Variants in UGT2B15 observed in about 807,000 individuals in gnomAD.
UGT2B15 encodes UDP-glucuronosyltransferase 2B15.
UGT2B15 carries 36 observed loss-of-function variants against 45.9 expected under a neutral mutation model. The observed-to-expected ratio is 0.78, with a 90% CI of 0.60 to 1.04. The LOEUF (loss-of-function observed/expected upper bound fraction) is 1.04, where lower values mean the gene tolerates loss of function less well. UGT2B15 is among the 50% of genes least tolerant of loss of function. The pLI is 0.00. For missense variants in UGT2B15, 617 were observed against 622.4 expected (o/e 0.99, Z 0.09); for synonymous variants, 219 against 216.4 (o/e 1.01, Z -0.11).
chr4:68,670,554 C>A lies in UGT2B15; in HGVS notation c.65G>T (p.Ser22Ile), dbSNP rs1239582266. 1.2e-6 allele frequency: 2 copies of A among 1,605,496 alleles called. No homozygotes were observed. Among genetic ancestry groups the A allele is most frequent in the Admixed American group, 1.8e-5 (1 of 56,796 alleles). ...GGGCCACACTAGCACCTTTCCACAGCTTCCAGAGCTAAAGTAACAACTGAG... is the reference window on the plus strand; with the variant it reads ...GGGCCACACTAGCACCTTTCCACAGATTCCAGAGCTAAAGTAACAACTGAG... Reference protein sequence around the residue: ...IQLSCYFSSGSCGKVLVWPTE... With the variant: ...IQLSCYFSSGICGKVLVWPTE... The change falls in exon 1 of 6, where the codon AGC becomes ATC. Residue 22 changes from serine (S) to isoleucine (I), a missense_variant. Transcript: ENST00000338206.
chr4:68,654,216 G>T lies in UGT2B15; in HGVS notation c.1134C>A (p.Thr378=). 1 of 1,613,548 alleles carries T rather than the reference G, an allele frequency of 6.2e-7. No individual in the cohort carries two copies. The highest frequency in any genetic ancestry group is 8.5e-7 in the Non-Finnish European group (1 of 1,179,664). ...KTKAFITHGG[T]NGIYEAIYHG... is the part of the protein sequence containing the mutation. ...GGTAGATCGCCTCATAGATGCCATT[G>T]GTTCCACCATGAGTTATAAAAGCTT... Residue 378 remains threonine, a synonymous_variant, in exon 5 of 6, where the codon ACC becomes ACA. Coordinates refer to ENST00000338206, the MANE Select transcript of UGT2B15 (RefSeq NM_001076.4).
chr4:68,651,502 T>C (rs1297099770), intron 5 of UGT2B15, among the ~76,000 whole-genome samples: 1 of 152,092 alleles, frequency 6.6e-6, no homozygotes. Flanking sequence ...TCTGTTCCAC[T>C]GGTCTATATG....
intron 3 of UGT2B15, among the ~76,000 whole-genome samples, chr4:68,657,569 C>A (rs1388113496): frequency 6.6e-6 from 1 of 151,262 alleles, no homozygotes; most frequent in South Asian, 2.1e-4. Context: ...AGAAGAATGA[C>A]CCCCTGATAT....
Position 68,670,294 on chromosome 4 carries a change from A to T in UGT2B15, c.325T>A (p.Tyr109Asn), listed in dbSNP as rs1733270195. 2 of 1,614,004 alleles carry T rather than the reference A, an allele frequency of 1.2e-6. No individual in the cohort carries two copies. Among genetic ancestry groups the T allele is most frequent in the Non-Finnish European group, 1.7e-6 (2 of 1,180,010 alleles). The change falls in exon 1 of 6, where the codon TAT becomes AAT. Residue 109 changes from tyrosine (Y) to asparagine (N), a missense_variant. Physicochemically the swap from Tyr to Asn is moderately radical, Grantham distance 143 (BLOSUM62 -2). Around this residue, in one of 3 missense-constraint regions of UGT2B15, gnomAD observed 351 missense variants for 342.1 expected, o/e 1.03. Coordinates refer to ENST00000338206, the MANE Select transcript of UGT2B15 (RefSeq NM_001076.4). Reference protein sequence around the residue: ...YGVSKNTFWSYFSQLQELCWE... With the variant: ...YGVSKNTFWSNFSQLQELCWE... ...CACAATTCTTGTAATTGTGAAAAATATGACCAAAATGTATTTTTTGAAACA... is the reference window on the plus strand; with the variant it reads ...CACAATTCTTGTAATTGTGAAAAATTTGACCAAAATGTATTTTTTGAAACA...
chr4:68,667,344 T>A (rs1733170457), intron 2 of UGT2B15, among the ~76,000 whole-genome samples: 1 of 151,928 alleles, frequency 6.6e-6, no homozygotes, highest in South Asian at 2.1e-4. Flanking sequence ...TATTATTTTA[T>A]TTTTTATTTT....
rs764513596 is a variant in UGT2B15, at chr4:68,668,103, T to C, written c.810A>G (p.Pro270=). 2.5e-6 allele frequency: 4 copies of C among 1,613,880 alleles called. No individual in the cohort carries two copies. The highest frequency in any genetic ancestry group is 1.3e-5 in the African/African-American group (1 of 74,902). Residue 270 remains proline, a synonymous_variant, in exon 2 of 6, where the codon CCA becomes CCG. Coordinates refer to ENST00000338206, the MANE Select transcript of UGT2B15 (RefSeq NM_001076.4). ...RTYWDFEFPR[P]FLPNVDFVGG... ...CAACAAAATCAACATTTGGTAAGAATGGGCGAGGAAATTCAAAATCCCAAT... is the reference window on the plus strand; with the variant it reads ...CAACAAAATCAACATTTGGTAAGAACGGGCGAGGAAATTCAAAATCCCAAT...
At chr4:68,650,643 A>G (rs2109819520) in intron 5 of UGT2B15, among the ~76,000 whole-genome samples, 1 of 152,214 alleles carries the variant, frequency 6.6e-6, no homozygotes, top group Middle Eastern at 3.4e-3. Flanking sequence ...AATGATTTAT[A>G]TGCCTTTGGG....
At chr4:68,647,572 A>G (rs1379971609) in intron 5 of UGT2B15, among the ~76,000 whole-genome samples, 189 bp from the exon 6 acceptor site, 1 of 152,114 alleles carries the variant, frequency 6.6e-6, no homozygotes, top group African/African-American at 2.4e-5. Flanking sequence ...GAGTTTTATC[A>G]CTGACAAATA....
intron 3 of UGT2B15, 56 bp from the exon 4 acceptor site, chr4:68,655,238 T>A: frequency 6.3e-7 from 1 of 1,577,134 alleles, no homozygotes; most frequent in Middle Eastern, 1.7e-4. Context: ...AAACATAGCA[T>A]GTTAGAATTC....
At chr4:68,649,808 G>C (rs1732597607) in intron 5 of UGT2B15, among the ~76,000 whole-genome samples, 1 of 151,332 alleles carries the variant, frequency 6.6e-6, no homozygotes, top group African/African-American at 2.4e-5. Flanking sequence ...TTTAATGTGA[G>C]TACTGGTAGG....
At position 68,670,410 on chromosome 4, in the gene UGT2B15, G is replaced by C. The variant is rs1362575496; in HGVS notation, c.209C>G (p.Ser70Cys). 6.2e-7 allele frequency: 1 copy of C among 1,613,740 alleles called. No individual in the cohort carries two copies. Among genetic ancestry groups the C allele is most frequent in the Non-Finnish European group, 8.5e-7 (1 of 1,179,952 alleles). The stretch of plus-strand genomic sequence containing the variant: ...AGGATAAACTTCTAATTTAATAGCA[G>C]ATGATTTACTGGCATTGACAAGAGT... ...ASTLVNASKS[S>C]AIKLEVYPTS... Residue 70 changes from serine to cysteine, a missense_variant, in exon 1 of 6, where the codon TCT becomes TGT. Physicochemically the swap from Ser to Cys is moderately radical, Grantham distance 112. Around this residue, in one of 3 missense-constraint regions of UGT2B15, gnomAD observed 351 missense variants for 342.1 expected, o/e 1.03. Coordinates refer to ENST00000338206, the MANE Select transcript of UGT2B15 (RefSeq NM_001076.4).
At chr4:68,657,999 GTAA>G (rs1732860773) in intron 3 of UGT2B15, among the ~76,000 whole-genome samples, 1 of 152,018 alleles carries the variant, frequency 6.6e-6, no homozygotes, top group Non-Finnish European at 1.5e-5. Flanking sequence ...ACCTTATGAT[GTAA>G]ATTTTGCTAT....
chr4:68,655,300 G>C, intron 3 of UGT2B15, 118 bp from the exon 4 acceptor site: 1 of 1,294,536 alleles, frequency 7.7e-7, no homozygotes, highest in South Asian at 1.4e-5. Flanking sequence ...GAAGAAATAA[G>C]AAGAAGTGAT....
intron 5 of UGT2B15, among the ~76,000 whole-genome samples, chr4:68,653,133 T>A (rs1238415343): frequency 6.6e-6 from 1 of 152,188 alleles, no homozygotes; most frequent in South Asian, 2.1e-4. Flanking sequence ...ATTTCCCATA[T>A]GTCTCAGCAA....
chr4:68,661,091 G>A (rs957165364), intron 3 of UGT2B15, among the ~76,000 whole-genome samples: 4 of 152,056 alleles, frequency 2.6e-5, no homozygotes, highest in African/African-American at 4.8e-5. Context: ...CTTGCCATTA[G>A]AGATCAGATG....
At chr4:68,653,780 A>G (rs1732722077) in intron 5 of UGT2B15, among the ~76,000 whole-genome samples, 1 of 152,066 alleles carries the variant, frequency 6.6e-6, no homozygotes, top group Non-Finnish European at 1.5e-5. Context: ...CATTAAAAAT[A>G]TTTAAAATAA....
intron 2 of UGT2B15, among the ~76,000 whole-genome samples, chr4:68,666,733 C>CATATATATAT (rs975003043): frequency 7.3e-6 from 1 of 136,368 alleles, no homozygotes; most frequent in African/African-American, 2.7e-5. Flanking sequence ...TATCAAATTA[C>CATATATATAT]ATATATATAT....
chr4:68,659,024 A>C (rs1358553847), intron 3 of UGT2B15, among the ~76,000 whole-genome samples: 3 of 152,066 alleles, frequency 2.0e-5, no homozygotes, highest in African/African-American at 7.2e-5. Context: ...GGTTTTCTGG[A>C]AGCATAAACT....
chr4:68,646,923 A>G lies in UGT2B15; in HGVS notation c.*181T>C, dbSNP rs1732490055. On this transcript the variant is annotated 3_prime_UTR_variant, in exon 6 of 6. Transcript: ENST00000338206. ...TTTTCATAGCTTAAAAATCATTGAC[A>G]TAGAATAATTCAGCTAAAGTACGTA... 1.3e-6 allele frequency: 1 copy of G among 761,958 alleles called. No homozygotes were observed. Among genetic ancestry groups the G allele is most frequent in the African/African-American group, 3.1e-5 (1 of 32,018 alleles). 47.2% of individuals were successfully genotyped at this position (761,958 alleles called of 1,614,324 possible).
Sources: gnomAD v4.1 joint callset for allele counts (sites outside exome capture counted in the v4.1 genomes callset) on GRCh38, gnomAD v4.1.1 for gene constraint, gnomAD v4.1.1 regional missense constraint, MANE v1.5 for transcripts, NCBI Gene and HGNC (gene_info 2026-07-23, HGNC 2026-07-21) for gene names.